The following ARK2N variants were observed in gnomAD, a reference collection of about 807,000 sequenced individuals.
The protein encoded by ARK2N is protein ARK2N.
the ARK2N span, chr18:46,240,092 CA>C: frequency 3.1e-6 from 5 of 1,614,202 alleles, no homozygotes; most frequent in Non-Finnish European, 4.2e-6. Flanking sequence ...TTGGCGGCTG[CA>C]GTAGTTCAAG....
chr18:46,231,818 G>A, the ARK2N span: 1 of 150,804 alleles, frequency 6.6e-6, no homozygotes, highest in Non-Finnish European at 1.5e-5. Context: ...GCAATGGCAT[G>A]ATCTCGGCTC....
the ARK2N span, among the ~76,000 whole-genome samples, chr18:46,224,886 C>T: frequency 6.6e-6 from 1 of 152,106 alleles, no homozygotes; most frequent in African/African-American, 2.4e-5. Context: ...ATACAATTTC[C>T]GAAGCAATAA....
At chr18:46,207,698 C>T in the ARK2N span, among the ~76,000 whole-genome samples, 4 of 152,162 alleles carry the variant, frequency 2.6e-5, no homozygotes. Flanking sequence ...TTCTATACTT[C>T]TTTCACTGCA....
chr18:46,244,177 T>G, the ARK2N span, among the ~76,000 whole-genome samples: 1 of 152,192 alleles, frequency 6.6e-6, no homozygotes, highest in African/African-American at 2.4e-5. Flanking sequence ...GAAACTGTAT[T>G]AATATATCTG....
At chr18:46,219,563 A>G in the ARK2N span, among the ~76,000 whole-genome samples, 3 of 150,556 alleles carry the variant, frequency 2.0e-5, no homozygotes, top group Non-Finnish European at 4.4e-5. Flanking sequence ...TCCGCCTCCC[A>G]GGTTCAAGCG....
the ARK2N span, among the ~76,000 whole-genome samples, chr18:46,185,811 AC>A: frequency 6.6e-6 from 1 of 152,024 alleles, no homozygotes; most frequent in South Asian, 2.1e-4. Context: ...ACATGATGAA[AC>A]CCCGACTCTA....
the ARK2N span, among the ~76,000 whole-genome samples, chr18:46,206,246 C>T: frequency 9.2e-5 from 14 of 151,776 alleles, no homozygotes; most frequent in Non-Finnish European, 1.0e-4. Context: ...CCATTACACA[C>T]GGCTAGTTTT....
At chr18:46,264,042 G>C in the ARK2N span, 3 of 152,286 alleles carry the variant, frequency 2.0e-5, no homozygotes, top group African/African-American at 7.2e-5. Flanking sequence ...TTCATAGCTG[G>C]TCTCTGTATA....
the ARK2N span, among the ~76,000 whole-genome samples, chr18:46,205,709 G>A: frequency 6.6e-6 from 1 of 152,036 alleles, no homozygotes; most frequent in South Asian, 2.1e-4. Context: ...GAGACCTGTG[G>A]GTTGTTTTGT....
At chr18:46,234,117 T>A in the ARK2N span, among the ~76,000 whole-genome samples, 1 of 152,216 alleles carries the variant, frequency 6.6e-6, no homozygotes, top group South Asian at 2.1e-4. Context: ...CTGCATGTAT[T>A]TTCTATTTTC....
the ARK2N span, among the ~76,000 whole-genome samples, chr18:46,240,733 ATC>A: frequency 1.3e-5 from 2 of 152,214 alleles, no homozygotes; most frequent in Non-Finnish European, 1.5e-5. Flanking sequence ...AGGAAAAAAA[ATC>A]TCTGTCCCTG....
At chr18:46,223,724 A>G in the ARK2N span, among the ~76,000 whole-genome samples, 8 of 152,076 alleles carry the variant, frequency 5.3e-5, no homozygotes, top group Non-Finnish European at 1.2e-4. Context: ...TTCAGCAAGT[A>G]TCTGAGCACC....
the ARK2N span, chr18:46,253,971 CT>C: frequency 1.1e-6 from 1 of 948,242 alleles, no homozygotes; most frequent in Non-Finnish European, 1.5e-6. Flanking sequence ...TTAAGAAACA[CT>C]TTTTGTTTAG....
the ARK2N span, among the ~76,000 whole-genome samples, chr18:46,208,464 C>CTTTTTTTT: frequency 4.4e-5 from 3 of 68,366 alleles, no homozygotes; most frequent in South Asian, 7.2e-4. Flanking sequence ...GTTCTTAAAT[C>CTTTTTTTT]TTTTTTTTTT....
At chr18:46,216,654 G>A in the ARK2N span, 1 of 1,426,702 alleles carries the variant, frequency 7.0e-7, no homozygotes, top group Non-Finnish European at 9.4e-7. The surrounding 1 kb of genome is among the most constrained non-coding windows in gnomAD (Gnocchi z 4.3). Context: ...CAGCTATCAG[G>A]TTCAGTTAGA....
chr18:46,208,319 T>C, the ARK2N span, among the ~76,000 whole-genome samples: 9 of 152,178 alleles, frequency 5.9e-5, no homozygotes, highest in African/African-American at 2.2e-4. Flanking sequence ...CAGGTTCTTA[T>C]AATGTTTATC....
the ARK2N span, among the ~76,000 whole-genome samples, chr18:46,209,412 A>G: frequency 2.6e-5 from 4 of 151,962 alleles, no homozygotes; most frequent in African/African-American, 9.7e-5. Flanking sequence ...AGATTTTCAC[A>G]AGTAGCCTCA....
At chr18:46,226,735 G>A in the ARK2N span, among the ~76,000 whole-genome samples, 5 of 151,666 alleles carry the variant, frequency 3.3e-5, no homozygotes, top group African/African-American at 9.7e-5. Context: ...TAGGATGACA[G>A]TCTTCAATAG....
chr18:46,194,372 G>T, the ARK2N span, among the ~76,000 whole-genome samples: 1 of 151,980 alleles, frequency 6.6e-6, no homozygotes, highest in African/African-American at 2.4e-5. Flanking sequence ...AGGCCGAGGC[G>T]GATGGATCAC....
Sources: allele counts gnomAD v4.1 joint callset (sites outside exome capture counted in the v4.1 genomes callset), GRCh38; gene constraint gnomAD v4.1.1; non-coding constraint Gnocchi (gnomAD v3.1); transcripts MANE v1.5; gene names NCBI Gene and HGNC (gene_info 2026-07-23, HGNC 2026-07-21).